EYA4: variants seen among roughly 807,000 people sequenced by gnomAD.
The protein encoded by EYA4 is protein phosphatase EYA4.
In EYA4, 31 loss-of-function variants were observed where a neutral mutation model predicts 87.9. That is an observed-to-expected ratio of 0.35 (90% CI 0.27 to 0.48). The LOEUF (loss-of-function observed/expected upper bound fraction) is 0.48, where lower values mean the gene tolerates loss of function less well. Ranked by LOEUF, EYA4 falls within the 20% of genes least tolerant of loss-of-function variation. The pLI is 0.99. For synonymous variants in EYA4, 263 were observed against 270.6 expected (o/e 0.97, Z 0.28); for missense variants, 678 against 761.4 (o/e 0.89, Z 1.29).
intron 17 of EYA4, among the ~76,000 whole-genome samples, chr6:133,516,395 G>T (rs987908726): frequency 3.3e-5 from 5 of 151,956 alleles, no homozygotes; most frequent in Non-Finnish European, 7.4e-5. Flanking sequence ...CAAAAAAAAA[G>T]AATCTGTCAG....
chr6:133,351,281 T>C (rs768306144), intron 2 of EYA4, among the ~76,000 whole-genome samples: 1 of 152,180 alleles, frequency 6.6e-6, no homozygotes, highest in Non-Finnish European at 1.5e-5. Context: ...TCTGGCTGGA[T>C]AAAATACAAA....
At chr6:133,478,795 T>G (rs1163308170) in intron 11 of EYA4, among the ~76,000 whole-genome samples, 1 of 152,162 alleles carries the variant, frequency 6.6e-6, no homozygotes, top group Admixed American at 6.6e-5. Context: ...ACCACAGTCT[T>G]TTCTCTTTCC....
intron 3 of EYA4, among the ~76,000 whole-genome samples, chr6:133,420,755 T>C (rs1790149405): frequency 6.6e-6 from 1 of 152,240 alleles, no homozygotes; most frequent in African/African-American, 2.4e-5. Context: ...GCTAAAATGC[T>C]AACTCCATGG....
intron 3 of EYA4, among the ~76,000 whole-genome samples, chr6:133,424,512 C>G (rs569947156): frequency 4.2e-4 from 21 of 49,420 alleles, no homozygotes; most frequent in African/African-American, 2.1e-3. Flanking sequence ...AGCAAACACC[C>G]CCCCCCCAGC....
chr6:133,340,333 T>C (rs1782688248), intron 2 of EYA4, among the ~76,000 whole-genome samples: 1 of 152,210 alleles, frequency 6.6e-6, no homozygotes, highest in African/African-American at 2.4e-5. Flanking sequence ...AATGCAAGAA[T>C]GGTTCTTCTG....
upstream of EYA4, among the ~76,000 whole-genome samples, chr6:133,241,092 G>T (rs1773904599): frequency 6.6e-6 from 1 of 151,530 alleles, no homozygotes; most frequent in African/African-American, 2.4e-5. Context: ...GGCGCCACCC[G>T]GGACATCCAG....
chr6:133,468,292 T>C (rs1462514060), intron 10 of EYA4, among the ~76,000 whole-genome samples: 2 of 152,110 alleles, frequency 1.3e-5, no homozygotes, highest in African/African-American at 2.4e-5. Flanking sequence ...TAAGTAACTA[T>C]CAGGAGCAAA....
At chr6:133,377,471 A>G (rs1486881273) in intron 2 of EYA4, among the ~76,000 whole-genome samples, 2 of 151,444 alleles carry the variant, frequency 1.3e-5, no homozygotes, top group Non-Finnish European at 2.9e-5. Context: ...ACTGCCTCGG[A>G]TATCTCAGGC....
intron 2 of EYA4, among the ~76,000 whole-genome samples, chr6:133,304,575 G>A (rs1310074921): frequency 6.6e-6 from 1 of 152,156 alleles, no homozygotes; most frequent in East Asian, 1.9e-4. Context: ...ATACACTGGG[G>A]TCAGCTTCTG....
At chr6:133,421,024 G>A (rs1335695477) in intron 3 of EYA4, among the ~76,000 whole-genome samples, 3 of 152,226 alleles carry the variant, frequency 2.0e-5, no homozygotes, top group Non-Finnish European at 4.4e-5. Context: ...GCTGCAGAAA[G>A]GAGATGGATA....
chr6:133,403,730 T>C (rs1788456338), intron 3 of EYA4, among the ~76,000 whole-genome samples: 1 of 152,216 alleles, frequency 6.6e-6, no homozygotes, highest in Non-Finnish European at 1.5e-5. Context: ...TAAACTCTCA[T>C]ATAAGGAAGG....
intron 2 of EYA4, among the ~76,000 whole-genome samples, chr6:133,299,894 T>TATATAC (rs573009914): frequency 3.7e-4 from 56 of 149,842 alleles, no homozygotes; most frequent in Non-Finnish European, 6.8e-4. Context: ...CACACACACT[T>TATATAC]ATATACATAT....
chr6:133,318,582 A>G (rs1036968039), intron 2 of EYA4, among the ~76,000 whole-genome samples: 2 of 150,472 alleles, frequency 1.3e-5, no homozygotes, highest in African/African-American at 4.9e-5. Flanking sequence ...TCTGCTACCC[A>G]GAACCCTCTT....
At chr6:133,391,222 G>GTTTTTTTTTTTTTTTTT (rs531819011) in intron 3 of EYA4, among the ~76,000 whole-genome samples, 5 of 89,828 alleles carry the variant, frequency 5.6e-5, no homozygotes, top group African/African-American at 1.3e-4. Flanking sequence ...TTTTGTTTTT[G>GTTTTTTTTTTTTTTTTT]TTTTTTTTTT....
chr6:133,412,894 A>G (rs1789364047), intron 3 of EYA4, among the ~76,000 whole-genome samples: 1 of 152,104 alleles, frequency 6.6e-6, no homozygotes, highest in Non-Finnish European at 1.5e-5. Flanking sequence ...CATACTCACC[A>G]CAGCCCAGCA....
chr6:133,391,447 A>T (rs1275489150), intron 3 of EYA4, among the ~76,000 whole-genome samples: 1 of 152,020 alleles, frequency 6.6e-6, no homozygotes, highest in Non-Finnish European at 1.5e-5. Context: ...GGTATGGGAG[A>T]CACAGATTAT....
intron 1 of EYA4, among the ~76,000 whole-genome samples, chr6:133,271,960 C>A (rs1776727794): frequency 6.6e-6 from 1 of 152,228 alleles, no homozygotes; most frequent in Non-Finnish European, 1.5e-5. Context: ...CCCCAGATTT[C>A]TTTGTCACCA....
chr6:133,263,746 T>A (rs1299028992), intron 1 of EYA4, among the ~76,000 whole-genome samples: 1 of 152,334 alleles, frequency 6.6e-6, no homozygotes, highest in African/African-American at 2.4e-5. Flanking sequence ...AGCCAAACAG[T>A]AGACCAACTG....
At chr6:133,504,994 C>T (rs1798469229) in intron 13 of EYA4, among the ~76,000 whole-genome samples, 2 of 152,202 alleles carry the variant, frequency 1.3e-5, no homozygotes, top group South Asian at 2.1e-4. Flanking sequence ...AAAATAACTT[C>T]CCAGCCAAAA....
Sources: gnomAD v4.1 joint callset for allele counts (sites outside exome capture counted in the v4.1 genomes callset) on GRCh38, gnomAD v4.1.1 for gene constraint, MANE v1.5 for transcripts, NCBI Gene and HGNC (gene_info 2026-07-23, HGNC 2026-07-21) for gene names.